SORCS3: variants seen among roughly 807,000 people sequenced by gnomAD.
SORCS3 encodes the protein VPS10 domain-containing receptor SorCS3.
In SORCS3, 57 loss-of-function variants were observed where a neutral mutation model predicts 146.3. That is an observed-to-expected ratio of 0.39 (90% CI 0.31 to 0.49). The LOEUF (loss-of-function observed/expected upper bound fraction) is 0.49. SORCS3 is among the 20% of genes least tolerant of loss of function. The pLI is 0.92. For synonymous variants in SORCS3, 653 were observed against 618.5 expected (o/e 1.06, Z -0.83); for missense variants, 1,341 against 1,575.5 (o/e 0.85, Z 2.52).
intron 7 of SORCS3, among the ~76,000 whole-genome samples, chr10:105,129,041 A>T (rs534695056): frequency 6.6e-6 from 1 of 152,258 alleles, no homozygotes; most frequent in Non-Finnish European, 1.5e-5. Context: ...AATGTGAAGG[A>T]ACAGGACCTT....
chr10:104,991,695 T>G (rs1564730086), intron 4 of SORCS3, among the ~76,000 whole-genome samples: 1 of 152,086 alleles, frequency 6.6e-6, no homozygotes. Context: ...GAGACAAGGT[T>G]TCGCTATATT....
chr10:104,859,788 C>T (rs1390037296), intron 2 of SORCS3, among the ~76,000 whole-genome samples: 13 of 152,028 alleles, frequency 8.6e-5, no homozygotes, highest in Non-Finnish European at 4.4e-5. Flanking sequence ...CAAAAGAAGA[C>T]GTTTATGCAG....
chr10:104,642,199 G>C (rs561853071), intron 1 of SORCS3, among the ~76,000 whole-genome samples: 2 of 152,322 alleles, frequency 1.3e-5, no homozygotes, highest in African/African-American at 4.8e-5. Context: ...GGGAGTGGAG[G>C]AAGGGGCTTC....
intron 4 of SORCS3, among the ~76,000 whole-genome samples, chr10:104,993,820 C>T (rs1355484677): frequency 6.6e-6 from 1 of 152,118 alleles, no homozygotes. Flanking sequence ...ATTTAATCTC[C>T]ATTATAGGTA....
At chr10:104,681,771 C>T (rs543327737) in intron 1 of SORCS3, among the ~76,000 whole-genome samples, 9 of 152,324 alleles carry the variant, frequency 5.9e-5, no homozygotes, top group African/African-American at 2.2e-4. Context: ...AGGGCCTTTG[C>T]ATGGACGGCT....
chr10:105,185,755 T>C (rs1038336970), intron 14 of SORCS3, among the ~76,000 whole-genome samples: 2 of 152,208 alleles, frequency 1.3e-5, no homozygotes, highest in Non-Finnish European at 2.9e-5. Flanking sequence ...GATATTTTCA[T>C]TATTGTCCAT....
intron 4 of SORCS3, among the ~76,000 whole-genome samples, chr10:105,040,454 C>T (rs11593612): frequency 0.054 from 8,177 of 152,200 alleles, 333 homozygotes; most frequent in Non-Finnish European, 0.082. Flanking sequence ...ACCTTTGCTC[C>T]TGTTGTCTCA....
chr10:104,810,828 T>C (rs1301833526), intron 1 of SORCS3, among the ~76,000 whole-genome samples: 1 of 152,230 alleles, frequency 6.6e-6, no homozygotes, highest in Non-Finnish European at 1.5e-5. Flanking sequence ...CAAATATTTG[T>C]TTATTTATTG....
intron 1 of SORCS3, among the ~76,000 whole-genome samples, chr10:104,788,995 C>G (rs760190687): frequency 2.0e-5 from 3 of 152,182 alleles, no homozygotes; most frequent in East Asian, 1.9e-4. Flanking sequence ...TGTCTTCCCC[C>G]ACCTGGGCTC....
At chr10:104,932,275 C>G (rs570638328) in intron 3 of SORCS3, among the ~76,000 whole-genome samples, 1 of 152,348 alleles carries the variant, frequency 6.6e-6, no homozygotes, top group African/African-American at 2.4e-5. Flanking sequence ...CTACCACTCT[C>G]TTCTCTGAAG....
At chr10:104,886,008 A>G (rs954713227) in intron 2 of SORCS3, among the ~76,000 whole-genome samples, 1 of 152,194 alleles carries the variant, frequency 6.6e-6, no homozygotes, top group Non-Finnish European at 1.5e-5. Context: ...AAGATAACCC[A>G]TTTAACAGCT....
intron 3 of SORCS3, among the ~76,000 whole-genome samples, chr10:104,919,870 A>G (rs2019069956): frequency 6.6e-6 from 1 of 152,200 alleles, no homozygotes. Context: ...TCTCGTAACC[A>G]GTATATTCAG....
At chr10:104,748,553 T>C (rs1008597495) in intron 1 of SORCS3, among the ~76,000 whole-genome samples, 1 of 152,148 alleles carries the variant, frequency 6.6e-6, no homozygotes, top group Non-Finnish European at 1.5e-5. Context: ...GCCTCAGGGA[T>C]AGGATTCTCT....
intron 4 of SORCS3, among the ~76,000 whole-genome samples, chr10:105,032,677 A>G (rs2055277235): frequency 6.6e-6 from 1 of 152,204 alleles, no homozygotes; most frequent in Non-Finnish European, 1.5e-5. Context: ...TAGAGATAGT[A>G]ATTTAAATTA....
chr10:105,117,359 T>A (rs1283718895), intron 7 of SORCS3, among the ~76,000 whole-genome samples: 1 of 152,174 alleles, frequency 6.6e-6, no homozygotes, highest in Non-Finnish European at 1.5e-5. Context: ...TCTCAAATAT[T>A]TCTTGGATCC....
intron 8 of SORCS3, 51 bp from the exon 9 acceptor site, chr10:105,147,566 G>A (rs1416606705): frequency 1.3e-6 from 2 of 1,507,564 alleles, no homozygotes; most frequent in African/African-American, 1.4e-5. Flanking sequence ...ATCCCAATGG[G>A]CAGAGAGATA....
intron 5 of SORCS3, among the ~76,000 whole-genome samples, chr10:105,056,772 T>G (rs2133714795): frequency 6.6e-6 from 1 of 152,342 alleles, no homozygotes; most frequent in Admixed American, 6.5e-5. Flanking sequence ...AAACCATACA[T>G]TTTTGTTTAA....
At chr10:104,893,793 A>G (rs2018772286) in intron 2 of SORCS3, among the ~76,000 whole-genome samples, 1 of 152,208 alleles carries the variant, frequency 6.6e-6, no homozygotes. Context: ...CTTCTCAGGC[A>G]AGCACTGCCA....
intron 11 of SORCS3, among the ~76,000 whole-genome samples, chr10:105,160,934 T>C (rs1386440660): frequency 2.0e-5 from 3 of 152,148 alleles, no homozygotes; most frequent in Non-Finnish European, 2.9e-5. Context: ...TGTGGGGGTG[T>C]TGTAAAAATT....
Sources: allele counts gnomAD v4.1 joint callset (sites outside exome capture counted in the v4.1 genomes callset), GRCh38; gene constraint gnomAD v4.1.1; transcripts MANE v1.5; gene names NCBI Gene and HGNC (gene_info 2026-07-23, HGNC 2026-07-21).